EIF3H: variants seen among roughly 807,000 people sequenced by gnomAD.
The protein encoded by EIF3H is eukaryotic translation initiation factor 3 subunit H.
Under a neutral mutation model 44.2 loss-of-function variants are expected in EIF3H, and 26 were observed. The observed-to-expected ratio is 0.59, with a 90% CI of 0.43 to 0.82. The LOEUF is 0.82. EIF3H is among the 40% of genes least tolerant of loss of function. The probability of loss-of-function intolerance (pLI) is 0.00; values close to 1 mark genes in which losing one functional copy is unlikely to be tolerated. For synonymous variants in EIF3H, 166 were observed against 151.9 expected (o/e 1.09, Z -0.68); for missense variants, 359 against 432.8 (o/e 0.83, Z 1.51).
chr8:116,682,342 T>C (rs1814003884), intron 2 of EIF3H, among the ~76,000 whole-genome samples: 1 of 152,216 alleles, frequency 6.6e-6, no homozygotes, highest in Middle Eastern at 3.2e-3. Context: ...TTACTAACAG[T>C]GATTGGTATA....
chr8:116,666,002 A>C (rs1006554762), intron 2 of EIF3H, among the ~76,000 whole-genome samples: 17 of 152,184 alleles, frequency 1.1e-4, no homozygotes, highest in African/African-American at 4.1e-4. Context: ...TCTCGTTTCA[A>C]TTAATACATC....
intron 2 of EIF3H, among the ~76,000 whole-genome samples, chr8:116,699,092 C>T (rs1249989314): frequency 6.6e-6 from 1 of 151,188 alleles, no homozygotes; most frequent in African/African-American, 2.4e-5. Flanking sequence ...GAGGTTGCAG[C>T]ATGCTGAGAC....
At chr8:116,654,615 G>C (rs1416584554) in intron 5 of EIF3H, among the ~76,000 whole-genome samples, 1 of 152,122 alleles carries the variant, frequency 6.6e-6, no homozygotes, top group Admixed American at 6.6e-5. Context: ...TTCTAAAACA[G>C]ACAAATTAAA....
chr8:116,743,331 T>C (rs116044575), intron 1 of EIF3H, among the ~76,000 whole-genome samples: 2,069 of 152,122 alleles, frequency 0.014, 56 homozygotes, highest in African/African-American at 0.048. Flanking sequence ...CACACACCTA[T>C]AGTCCCAGCT....
At chr8:116,664,029 G>A (rs7843792) in intron 2 of EIF3H, among the ~76,000 whole-genome samples, 83,099 of 151,692 alleles carry the variant, frequency 0.55, 24,645 homozygotes, top group Non-Finnish European at 0.67. Flanking sequence ...AGCTCGTGCC[G>A]CAAAATTTGG....
chr8:116,749,040 A>G (rs1298954789), intron 1 of EIF3H, among the ~76,000 whole-genome samples: 1 of 152,180 alleles, frequency 6.6e-6, no homozygotes, highest in Admixed American at 6.5e-5. Context: ...ATACTTTTCT[A>G]TTTATTAATA....
upstream of EIF3H, chr8:116,755,934 C>T: frequency 1.9e-6 from 3 of 1,538,642 alleles, no homozygotes; most frequent in South Asian, 2.4e-5. Flanking sequence ...CCGCCTCCCT[C>T]CTGTTTTCCA....
chr8:116,730,291 T>C (rs1265209419), intron 1 of EIF3H, among the ~76,000 whole-genome samples: 1 of 152,220 alleles, frequency 6.6e-6, no homozygotes, highest in Non-Finnish European at 1.5e-5. Flanking sequence ...CTCTGTCTCC[T>C]GTCAGGTGAC....
intron 2 of EIF3H, among the ~76,000 whole-genome samples, chr8:116,725,646 A>G (rs950509449): frequency 6.6e-6 from 1 of 152,196 alleles, no homozygotes; most frequent in African/African-American, 2.4e-5. Flanking sequence ...ATCTCTTTCT[A>G]AACACTGACT....
chr8:116,654,839 A>C (rs141521451), intron 5 of EIF3H, among the ~76,000 whole-genome samples: 52 of 152,172 alleles, frequency 3.4e-4, no homozygotes, highest in African/African-American at 1.2e-3. Context: ...AGAGAAGAAC[A>C]TTGATGTCTC....
chr8:116,678,131 A>T (rs1488339140), intron 2 of EIF3H, among the ~76,000 whole-genome samples: 2 of 148,714 alleles, frequency 1.3e-5, no homozygotes, highest in Admixed American at 6.7e-5. Context: ...CTGCGATTGC[A>T]GGCGCGCGCC....
chr8:116,734,298 C>T, intron 1 of EIF3H: 1 of 455,990 alleles, frequency 2.2e-6, no homozygotes, highest in South Asian at 1.5e-5. Flanking sequence ...CCAGGAAGGG[C>T]TTCTGAGAGG....
Position 116,667,677 on chromosome 8 carries a change from CA to C in EIF3H, c.290-8698del, listed in dbSNP as rs1813692197. Among the ~76,000 whole-genome samples the C allele has an allele frequency of 3.9e-5, 6 of 152,272 alleles. No individual in the cohort carries two copies. The South Asian group carries it at 1.2e-3, about 32-fold the overall frequency. ...GGAGGTACTGTTTGTAGTGTACACA[CA>C]AAAGTGTGGTGATAATAAATGACCC... On this transcript the variant is annotated intron_variant, in intron 2 of 7. Coordinates refer to ENST00000521861, the MANE Select transcript of EIF3H (RefSeq NM_003756.3).
At chr8:116,751,223 AAAAT>A (rs1815335261) in intron 1 of EIF3H, among the ~76,000 whole-genome samples, 2 of 147,434 alleles carry the variant, frequency 1.4e-5, no homozygotes, top group African/African-American at 5.3e-5. Context: ...AAAAAAAAAT[AAAAT>A]AAAATAAAAT....
intron 2 of EIF3H, among the ~76,000 whole-genome samples, chr8:116,708,530 G>A (rs1471085237): frequency 4.0e-5 from 6 of 151,868 alleles, no homozygotes; most frequent in African/African-American, 1.5e-4. Context: ...AATTATATTA[G>A]GCTAATTAAA....
intron 1 of EIF3H, among the ~76,000 whole-genome samples, chr8:116,731,606 AT>A (rs1473924688): frequency 5.9e-5 from 9 of 152,192 alleles, no homozygotes; most frequent in Admixed American, 5.9e-4. Flanking sequence ...AAAAGCATAA[AT>A]ATCACCCTAA....
intron 2 of EIF3H, among the ~76,000 whole-genome samples, chr8:116,665,939 C>T (rs1813657525): frequency 6.6e-6 from 1 of 152,192 alleles, no homozygotes; most frequent in African/African-American, 2.4e-5. Context: ...ATGGAGTACA[C>T]AAGTTTCTTA....
chr8:116,714,351 G>C (rs1260665710), intron 2 of EIF3H, among the ~76,000 whole-genome samples: 1 of 151,962 alleles, frequency 6.6e-6, no homozygotes, highest in Non-Finnish European at 1.5e-5. Flanking sequence ...CTGAGTGTTC[G>C]CATCATTTTT....
intron 2 of EIF3H, among the ~76,000 whole-genome samples, chr8:116,672,571 A>G (rs1813774912): frequency 6.6e-6 from 1 of 152,098 alleles, no homozygotes; most frequent in Admixed American, 6.5e-5. Context: ...TTGAGGCTGC[A>G]GTGAGCTATG....
Sources: gnomAD v4.1 joint callset for allele counts (sites outside exome capture counted in the v4.1 genomes callset) on GRCh38, gnomAD v4.1.1 for gene constraint, MANE v1.5 for transcripts, NCBI Gene and HGNC (gene_info 2026-07-23, HGNC 2026-07-21) for gene names.